The following XKR4 variants were observed in gnomAD, a reference collection of about 807,000 sequenced individuals.
The protein encoded by XKR4 is XK related 4.
XKR4 carries 12 observed loss-of-function variants against 53.9 expected under a neutral mutation model. The ratio of observed to expected loss-of-function variants is 0.22; its 90% confidence interval spans 0.14 to 0.36. XKR4 has a LOEUF of 0.36. XKR4 is among the 10% of genes least tolerant of loss of function. The pLI, the probability that XKR4 is intolerant of heterozygous loss-of-function variation, is 1.00. For synonymous variants in XKR4, 354 were observed against 362.4 expected (o/e 0.98, Z 0.26); for missense variants, 799 against 859.5 (o/e 0.93, Z 0.88).
intron 1 of XKR4, among the ~76,000 whole-genome samples, chr8:55,301,439 AGTGCCGCAATAAACATACAT>A (rs1414824806): frequency 2.6e-5 from 4 of 151,962 alleles, no homozygotes; most frequent in Non-Finnish European, 5.9e-5. Flanking sequence ...TATTGTGAAT[AGTGCCGCAATAAACATACAT>A]GTGCATGTGT....
intron 1 of XKR4, among the ~76,000 whole-genome samples, chr8:55,273,503 T>C (rs1300049097): frequency 1.3e-5 from 2 of 152,192 alleles, no homozygotes; most frequent in African/African-American, 2.4e-5. Flanking sequence ...TTAGGAGTCA[T>C]GTAGCTTGAG....
intron 1 of XKR4, among the ~76,000 whole-genome samples, chr8:55,325,175 G>C (rs555248292): frequency 6.6e-6 from 1 of 152,218 alleles, no homozygotes; most frequent in South Asian, 2.1e-4. Flanking sequence ...TAAAATATGA[G>C]GCGTAATTTT....
intron 1 of XKR4, among the ~76,000 whole-genome samples, chr8:55,325,591 T>G (rs1471634745): frequency 6.6e-6 from 1 of 152,226 alleles, no homozygotes; most frequent in Non-Finnish European, 1.5e-5. Context: ...CTAAAGAGCT[T>G]TGAAGACTTC....
chr8:55,512,095 G>A (rs1806635002), intron 2 of XKR4, among the ~76,000 whole-genome samples: 1 of 152,184 alleles, frequency 6.6e-6, no homozygotes, highest in African/African-American at 2.4e-5. Context: ...TGAAAAATGG[G>A]TGAAGTCAAG....
At chr8:55,143,725 C>T (rs1339955879) in intron 1 of XKR4, among the ~76,000 whole-genome samples, 1 of 152,214 alleles carries the variant, frequency 6.6e-6, no homozygotes, top group East Asian at 1.9e-4. Flanking sequence ...AAGGATGTGC[C>T]TCCAAGTCCC....
intron 1 of XKR4, among the ~76,000 whole-genome samples, chr8:55,187,995 C>A (rs1817400862): frequency 1.3e-5 from 2 of 152,234 alleles, no homozygotes; most frequent in African/African-American, 2.4e-5. Flanking sequence ...AATGTGCATC[C>A]TTTTTTGCCT....
chr8:55,301,146 TC>T (rs1819188206), intron 1 of XKR4, among the ~76,000 whole-genome samples: 1 of 44,210 alleles, frequency 2.3e-5, no homozygotes, highest in East Asian at 7.6e-4. Context: ...CCCTCCCCCC[TC>T]CCCCCACCCC....
chr8:55,166,229 T>C (rs1031257892), intron 1 of XKR4, among the ~76,000 whole-genome samples: 2 of 152,058 alleles, frequency 1.3e-5, no homozygotes, highest in African/African-American at 4.8e-5. Context: ...TTATAGAAGG[T>C]ATATTCTTTT....
intron 1 of XKR4, among the ~76,000 whole-genome samples, chr8:55,261,641 G>T (rs1001465567): frequency 1.3e-5 from 2 of 152,108 alleles, no homozygotes; most frequent in Admixed American, 6.6e-5. Flanking sequence ...TGCAAAACAT[G>T]CAAAATAAAG....
intron 1 of XKR4, among the ~76,000 whole-genome samples, chr8:55,213,085 C>T (rs1817751571): frequency 6.6e-6 from 1 of 152,188 alleles, no homozygotes; most frequent in South Asian, 2.1e-4. Context: ...CAGTCTGTTC[C>T]TTTAACCATA....
At chr8:55,371,716 T>C (rs1804072306) in intron 2 of XKR4, among the ~76,000 whole-genome samples, 2 of 152,316 alleles carry the variant, frequency 1.3e-5, no homozygotes, top group Admixed American at 6.5e-5. Flanking sequence ...ATGATATTAT[T>C]GATCTCTTTA....
At chr8:55,176,460 CGTGTGT>C (rs140783138) in intron 1 of XKR4, among the ~76,000 whole-genome samples, 1 of 151,382 alleles carries the variant, frequency 6.6e-6, no homozygotes, top group Non-Finnish European at 1.5e-5. Flanking sequence ...AGTGTGTGTG[CGTGTGT>C]GTGTGTGTGC....
intron 1 of XKR4, among the ~76,000 whole-genome samples, chr8:55,259,678 T>C (rs573636049): frequency 6.6e-6 from 1 of 152,290 alleles, no homozygotes; most frequent in South Asian, 2.1e-4. Context: ...ACTGTAATGA[T>C]GTAAATTATT....
Position 55,449,966 on chromosome 8 carries a change from C to A in XKR4, c.1007-73315C>A, listed in dbSNP as rs530605208. 40 of 830,186 alleles carry A rather than the reference C, an allele frequency of 4.8e-5. No homozygotes were observed. In the African/African-American group the frequency reaches 5.7e-4, roughly 12 times the overall value. The allele number at this position is 830,186 out of a possible 1,614,324, so 51.4% of individuals were successfully genotyped here. A position where few individuals can be genotyped will look rare whatever the true frequency, so the allele number is the denominator to read the frequency against. On this transcript the variant is annotated intron_variant, in intron 2 of 2. Transcript: ENST00000327381. ...AGGCTGAGGCTCAAGGTGGAGCCCACGGGTTCCTCCTGCAGGTACATACCC... is the reference window on the plus strand; with the variant it reads ...AGGCTGAGGCTCAAGGTGGAGCCCAAGGGTTCCTCCTGCAGGTACATACCC...
chr8:55,493,025 G>A (rs1414084907), intron 2 of XKR4, among the ~76,000 whole-genome samples: 1 of 152,190 alleles, frequency 6.6e-6, no homozygotes, highest in Non-Finnish European at 1.5e-5. Flanking sequence ...ATGACTCTTT[G>A]GGTCTGGGGG....
chr8:55,476,323 G>A (rs1585595393), intron 2 of XKR4, among the ~76,000 whole-genome samples: 1 of 152,176 alleles, frequency 6.6e-6, no homozygotes, highest in East Asian at 1.9e-4. Context: ...TACCTGGGAA[G>A]GGATAGGAAT....
At chr8:55,214,490 G>A (rs889063940) in intron 1 of XKR4, among the ~76,000 whole-genome samples, 1 of 152,182 alleles carries the variant, frequency 6.6e-6, no homozygotes, top group African/African-American at 2.4e-5. Context: ...AAATGAATGA[G>A]AAGATTAATT....
intron 2 of XKR4, among the ~76,000 whole-genome samples, chr8:55,365,785 T>C (rs1335748491): frequency 6.7e-6 from 1 of 149,552 alleles, no homozygotes; most frequent in African/African-American, 2.5e-5. Context: ...GGATGAAAAG[T>C]GATGCTCATG....
intron 2 of XKR4, among the ~76,000 whole-genome samples, chr8:55,478,930 G>C (rs1472239229): frequency 5.9e-5 from 9 of 152,194 alleles, no homozygotes; most frequent in East Asian, 1.9e-4. Flanking sequence ...AAGAGACTTA[G>C]ACTCCCACAC....
Sources: allele counts gnomAD v4.1 joint callset (sites outside exome capture counted in the v4.1 genomes callset), GRCh38; gene constraint gnomAD v4.1.1; transcripts MANE v1.5; gene names NCBI Gene and HGNC (gene_info 2026-07-23, HGNC 2026-07-21).